The following RASSF5 variants were observed in gnomAD, a reference collection of about 807,000 sequenced individuals.
RASSF5 encodes the protein Ras association domain family member 5, also known as ras association domain-containing protein 5.
RASSF5 carries 25 observed loss-of-function variants against 40.5 expected under a neutral mutation model. The observed-to-expected ratio is 0.62, with a 90% confidence interval of 0.45 to 0.86. The LOEUF is 0.86. Among genes scored for constraint, RASSF5 ranks in the 40% least tolerant of loss-of-function variants. RASSF5 has a pLI of 0.00. For synonymous variants in RASSF5, 246 were observed against 252.4 expected (o/e 0.97, Z 0.24); for missense variants, 521 against 572.8 (o/e 0.91, Z 0.92).
Position 206,513,884 on chromosome 1 carries a change from G to C in RASSF5, c.457+5825G>C, listed in dbSNP as rs1458435830. ...TTTAAGTGGAATAAAGTCGGGGCTT[G>C]GGAGCAGTCATGGGTTGCCCCACCC... On this transcript the variant is annotated intron_variant, in intron 1 of 5. Coordinates refer to ENST00000579436, the MANE Select transcript of RASSF5 (RefSeq NM_182663.4). This position sits in a 1 kb window ranked among gnomAD's most constrained non-coding sequence, Gnocchi z 5.0. Among the ~76,000 whole-genome samples, 2 of 152,218 alleles carry C rather than the reference G, an allele frequency of 1.3e-5. No individual in the cohort carries two copies. Among genetic ancestry groups the C allele is most frequent in the Non-Finnish European group, 2.9e-5 (2 of 68,044 alleles).
chr1:206,549,943 A>C (rs1667791401), intron 2 of RASSF5, among the ~76,000 whole-genome samples: 2 of 152,204 alleles, frequency 1.3e-5, no homozygotes, highest in Admixed American at 1.3e-4. Context: ...GTAAGCACGC[A>C]GGTGAATACT....
At position 206,586,853 on chromosome 1, in the gene RASSF5, C is replaced by T. The variant is rs1669138233; in HGVS notation, c.1132C>T (p.Gln378Ter). Residue 378 changes from glutamine (Q) to a stop codon, truncating the protein, a stop_gained, in exon 6 of 6, where the codon CAG (glutamine) becomes TAG (stop). Transcript: ENST00000579436. LOFTEE classifies it high-confidence loss of function. ...GGATGCCTTCTCCATCCCTGAACTT[C>T]AGAACTTCCTAACAATCCTGGAAAA... The part of the protein sequence containing the change: ...EWDAFSIPEL[Q>*]NFLTILEKEE... The T allele has an allele frequency of 6.2e-7, 1 of 1,613,920 alleles. No homozygotes were observed.
chr1:206,530,837 G>A (rs1553397862), intron 1 of RASSF5, among the ~76,000 whole-genome samples: 3 of 152,184 alleles, frequency 2.0e-5, no homozygotes, highest in Admixed American at 6.5e-5. Flanking sequence ...AAGGTCTGAG[G>A]ATGATCAAGA....
intron 2 of RASSF5, among the ~76,000 whole-genome samples, chr1:206,539,442 A>G (rs1667493711): frequency 6.6e-6 from 1 of 152,114 alleles, no homozygotes; most frequent in Admixed American, 6.5e-5. Flanking sequence ...GAACACAATC[A>G]ACAGTGTTCA....
chr1:206,547,096 C>A (rs1296925712), intron 2 of RASSF5, among the ~76,000 whole-genome samples: 1 of 152,100 alleles, frequency 6.6e-6, no homozygotes, highest in Non-Finnish European at 1.5e-5. Flanking sequence ...CATAGTGAGA[C>A]CCTGTCTCTA....
At chr1:206,539,056 T>G (rs1667485277) in intron 2 of RASSF5, among the ~76,000 whole-genome samples, 1 of 152,214 alleles carries the variant, frequency 6.6e-6, no homozygotes, top group Admixed American at 6.5e-5. Flanking sequence ...TGCAATTGTT[T>G]CTGCTGGGAG....
intron 2 of RASSF5, among the ~76,000 whole-genome samples, chr1:206,538,632 G>A (rs1331140779): frequency 2.0e-5 from 3 of 152,212 alleles, no homozygotes; most frequent in Non-Finnish European, 4.4e-5. Flanking sequence ...TGGGACAGTG[G>A]GGATGCTGGG....
intron 2 of RASSF5, among the ~76,000 whole-genome samples, chr1:206,581,762 A>T (rs940386594): frequency 6.6e-6 from 1 of 152,150 alleles, no homozygotes; most frequent in South Asian, 2.1e-4. Flanking sequence ...CCAGAGCCTG[A>T]CATTGCATCG....
chr1:206,551,374 G>T (rs1188304192), intron 2 of RASSF5, among the ~76,000 whole-genome samples: 1 of 152,162 alleles, frequency 6.6e-6, no homozygotes, highest in African/African-American at 2.4e-5. Flanking sequence ...CTCCCTCCAC[G>T]TTACCCTGAG....
At chr1:206,575,039 T>TGTTTTTGTTTTTG in intron 2 of RASSF5, among the ~76,000 whole-genome samples, 1 of 151,382 alleles carries the variant, frequency 6.6e-6, no homozygotes, top group African/African-American at 2.4e-5. Context: ...TTTTTGTTTT[T>TGTTTTTGTTTTTG]TTTTTTAGAA....
Position 206,518,399 on chromosome 1 carries a change from C to T in RASSF5, c.457+10340C>T, listed in dbSNP as rs373082082. On this transcript the variant is annotated intron_variant, in intron 1 of 5. Transcript: ENST00000579436. ...TCTCTGGCGCTGAGATGACCGAGGG[C>T]CAGGAGGAGAAGGCAACCGCTGCCT... 40 of 398,670 alleles carry T rather than the reference C, an allele frequency of 1.0e-4. No individual in the cohort carries two copies. In the South Asian group the frequency reaches 1.5e-3, roughly 15 times the overall value. The allele number at this position is 398,670 out of a possible 1,614,324, so 24.7% of individuals were successfully genotyped here.
intron 2 of RASSF5, among the ~76,000 whole-genome samples, chr1:206,567,516 T>C (rs1668320821): frequency 6.6e-6 from 1 of 152,132 alleles, no homozygotes; most frequent in Non-Finnish European, 1.5e-5. Context: ...GCCCTGTACC[T>C]GAAGGGAGCC....
At chr1:206,574,639 A>G (rs1553404830) in intron 2 of RASSF5, among the ~76,000 whole-genome samples, 1 of 152,176 alleles carries the variant, frequency 6.6e-6, no homozygotes, top group East Asian at 1.9e-4. Flanking sequence ...CTATTAGGGA[A>G]CACAGTTAAG....
At chr1:206,508,340 A>G (rs1490621716) in intron 1 of RASSF5, among the ~76,000 whole-genome samples, 1 of 151,570 alleles carries the variant, frequency 6.6e-6, no homozygotes, top group Admixed American at 6.6e-5. Flanking sequence ...ACACACACAC[A>G]CACACACACA....
intron 1 of RASSF5, among the ~76,000 whole-genome samples, chr1:206,527,645 C>T (rs1190655701): frequency 6.6e-6 from 1 of 152,172 alleles, no homozygotes; most frequent in African/African-American, 2.4e-5. Flanking sequence ...TGAAGTGGCA[C>T]ATCCCAGGCC....
intron 1 of RASSF5, among the ~76,000 whole-genome samples, chr1:206,516,068 T>TCTTGCTGGG (rs1553395362): frequency 2.0e-5 from 3 of 152,202 alleles, no homozygotes; most frequent in Non-Finnish European, 2.9e-5. Context: ...TGATAATATA[T>TCTTGCTGGG]TGTACCCCAG....
chr1:206,510,428 G>T (rs782464918), intron 1 of RASSF5, among the ~76,000 whole-genome samples: 15 of 152,050 alleles, frequency 9.9e-5, no homozygotes, highest in Non-Finnish European at 1.8e-4. Flanking sequence ...GTTAATCTGA[G>T]AATTAAATGG....
rs1167138839 is a variant in RASSF5 at position 206,513,403 on chromosome 1, C to A, written c.457+5344C>A. Among the ~76,000 whole-genome samples, 2 of 152,210 alleles carry A rather than the reference C, an allele frequency of 1.3e-5. No homozygotes were observed. Among genetic ancestry groups the A allele is most frequent in the Non-Finnish European group, 2.9e-5 (2 of 68,034 alleles). On this transcript the variant is annotated intron_variant, in intron 1 of 5. Coordinates refer to ENST00000579436, the MANE Select transcript of RASSF5 (RefSeq NM_182663.4). The surrounding 1 kb of genome is among the most constrained non-coding windows in gnomAD (Gnocchi z 5.0). ...GGGTGGGTGAGTATTTGTGGGTGTGCAAAGCATGCAAGCTCCCCACCCCCA... is the reference window on the plus strand; with the variant it reads ...GGGTGGGTGAGTATTTGTGGGTGTGAAAAGCATGCAAGCTCCCCACCCCCA...
At chr1:206,542,164 C>T (rs1347396222) in intron 2 of RASSF5, 2 of 152,218 alleles carry the variant, frequency 1.3e-5, no homozygotes, top group African/African-American at 4.8e-5. Context: ...CTCTAGAGTC[C>T]CTGATATGGT....
Sources: gnomAD v4.1 joint callset for allele counts (sites outside exome capture counted in the v4.1 genomes callset) on GRCh38, gnomAD v4.1.1 for gene constraint, Gnocchi (gnomAD v3.1) non-coding constraint, MANE v1.5 for transcripts, NCBI Gene and HGNC (gene_info 2026-07-23, HGNC 2026-07-21) for gene names.